ALDH1L1: variants seen among roughly 807,000 people sequenced by gnomAD.
The protein encoded by ALDH1L1 is cytosolic 10-formyltetrahydrofolate dehydrogenase.
In ALDH1L1, 68 loss-of-function variants were observed where a neutral mutation model predicts 101.1. The observed-to-expected ratio is 0.67, with a 90% CI of 0.55 to 0.82. ALDH1L1 has a LOEUF of 0.82. Among genes scored for constraint, ALDH1L1 ranks in the 40% least tolerant of loss-of-function variants. The pLI, the probability that ALDH1L1 is intolerant of heterozygous loss-of-function variation, is 0.00. For missense variants in ALDH1L1, 1,087 were observed against 1,172.7 expected (o/e 0.93, Z 1.07); for synonymous variants, 486 against 470.8 (o/e 1.03, Z -0.42).
intron 1 of ALDH1L1, among the ~76,000 whole-genome samples, chr3:126,179,483 G>C (rs951941970): frequency 2.0e-5 from 3 of 149,246 alleles, no homozygotes; most frequent in Non-Finnish European, 2.9e-5. Flanking sequence ...CTGGGCGACA[G>C]AGCGAGACTC....
At chr3:126,166,148 C>T (rs919691691) in intron 1 of ALDH1L1, among the ~76,000 whole-genome samples, 4 of 152,076 alleles carry the variant, frequency 2.6e-5, no homozygotes, top group Admixed American at 6.6e-5. Context: ...TACTTTAAAC[C>T]GCACCCCTCG....
At chr3:126,143,694 C>T (rs753233340) in intron 9 of ALDH1L1, among the ~76,000 whole-genome samples, 1 of 152,196 alleles carries the variant, frequency 6.6e-6, no homozygotes, top group African/African-American at 2.4e-5. Flanking sequence ...TAACGCCTCA[C>T]CCTGTAATTC....
intron 16 of ALDH1L1, 33 bp downstream of exon 16, chr3:126,124,331 A>G (rs1559928320): frequency 6.4e-7 from 1 of 1,570,014 alleles, no homozygotes; most frequent in Admixed American, 1.8e-5. Flanking sequence ...AGCTGCCAGA[A>G]GCCCTAGCCC....
intron 1 of ALDH1L1, among the ~76,000 whole-genome samples, chr3:126,176,419 C>T (rs76049499): frequency 0.024 from 3,587 of 152,248 alleles, 53 homozygotes; most frequent in Non-Finnish European, 0.037. Context: ...TACTGCCTGT[C>T]CCCAAGACTT....
chr3:126,153,187 G>C, intron 7 of ALDH1L1: 1 of 532,576 alleles, frequency 1.9e-6, no homozygotes, highest in Non-Finnish European at 3.4e-6. Flanking sequence ...AGGGCACTCA[G>C]CCTGGAGATG....
chr3:126,157,741 A>G (rs530731878), intron 3 of ALDH1L1, among the ~76,000 whole-genome samples: 2 of 152,298 alleles, frequency 1.3e-5, no homozygotes, highest in East Asian at 3.9e-4. Context: ...TCCTCACAGC[A>G]GGGATAACAG....
intron 7 of ALDH1L1, 175 bp downstream of exon 7, chr3:126,153,269 C>T (rs1177889421): frequency 1.1e-6 from 1 of 946,108 alleles, no homozygotes; most frequent in Non-Finnish European, 1.6e-6. Flanking sequence ...CCTCGGACAC[C>T]CTGTGCTCAG....
chr3:126,133,441 T>C (rs539498392), intron 12 of ALDH1L1, among the ~76,000 whole-genome samples: 2 of 152,334 alleles, frequency 1.3e-5, no homozygotes, highest in Admixed American at 6.5e-5. Flanking sequence ...ATGCCTCCCC[T>C]GCTCACATCC....
At chr3:126,190,360 C>T (rs11924165) in intron 1 of ALDH1L1, among the ~76,000 whole-genome samples, 6,914 of 152,212 alleles carry the variant, frequency 0.045, 515 homozygotes, top group African/African-American at 0.15. Context: ...AACAATCACC[C>T]CACCAATATT....
At chr3:126,131,595 C>A in intron 12 of ALDH1L1, 61 bp from the exon 13 acceptor site, 1 of 1,537,780 alleles carries the variant, frequency 6.5e-7, no homozygotes. Context: ...CATCTGCCCT[C>A]ACAAGGCCCT....
intron 19 of ALDH1L1, among the ~76,000 whole-genome samples, chr3:126,112,205 C>T (rs2108185555): frequency 6.6e-6 from 1 of 152,328 alleles, no homozygotes; most frequent in South Asian, 2.1e-4. Flanking sequence ...GAGACACTGT[C>T]CTGTGCCCAC....
chr3:126,180,698 C>A (rs1373328422), upstream of ALDH1L1: 2 of 1,385,428 alleles, frequency 1.4e-6, no homozygotes, highest in East Asian at 2.7e-5. Context: ...GGGACTATGG[C>A]GGGAGCGCAG....
chr3:126,109,708 C>CA (rs147199321), intron 20 of ALDH1L1, among the ~76,000 whole-genome samples: 12,172 of 152,204 alleles, frequency 0.08, 678 homozygotes, highest in African/African-American at 0.16. Context: ...AAGGGCAAGT[C>CA]AGAGTCCAGT....
chr3:126,137,873 G>T lies in ALDH1L1; in HGVS notation c.1164C>A (p.Ile388=). The T allele has an allele frequency of 6.2e-7, 1 of 1,614,204 alleles. No individual in the cohort carries two copies. Among genetic ancestry groups the T allele is most frequent in the Non-Finnish European group, 8.5e-7 (1 of 1,180,032 alleles). The change falls in exon 10 of 23, where the codon ATC becomes ATA. Residue 388 remains isoleucine (I), a synonymous_variant. Transcript: ENST00000393434. ...CTCGCAGCTTCCTCACTAACAGCTG[G>T]ATGAAGTCCCCAAAGGTGGATGCCA... ...VYMASTFGDF[I]QLLVRKLRGD... is the part of the protein sequence containing the mutation.
intron 12 of ALDH1L1, among the ~76,000 whole-genome samples, chr3:126,131,859 A>G (rs4646731): frequency 0.64 from 97,083 of 151,792 alleles, 31,057 homozygotes; most frequent in Middle Eastern, 0.7. Flanking sequence ...TGCAGACAGC[A>G]AAGGGGTCAT....
chr3:126,150,548 T>C lies in ALDH1L1; in HGVS notation c.859-17A>G. On this transcript the variant is annotated splice_polypyrimidine_tract_variant and intron_variant, in intron 7 of 22. Coordinates refer to ENST00000393434, the MANE Select transcript of ALDH1L1 (RefSeq NM_012190.4). ...CACCAGCAGCTGCAAAAGGAAGGATTTCTTTTCTTTTCTTTTCTTTTTTTG... is the reference window on the plus strand; with the variant it reads ...CACCAGCAGCTGCAAAAGGAAGGATCTCTTTTCTTTTCTTTTCTTTTTTTG... 1 of 1,499,306 alleles carries C rather than the reference T, an allele frequency of 6.7e-7. No individual in the cohort carries two copies. Among genetic ancestry groups the C allele is most frequent in the South Asian group, 1.2e-5 (1 of 82,142 alleles). 92.9% of individuals were successfully genotyped at this position (1,499,306 alleles called of 1,614,324 possible). A position where few individuals can be genotyped will look rare whatever the true frequency, so the allele number is the denominator to read the frequency against.
intron 1 of ALDH1L1, among the ~76,000 whole-genome samples, chr3:126,192,826 T>C (rs1161168376): frequency 1.3e-5 from 2 of 152,236 alleles, no homozygotes; most frequent in Non-Finnish European, 2.9e-5. Context: ...AATTGAGTGA[T>C]GAATGATTCG....
intron 18 of ALDH1L1, among the ~76,000 whole-genome samples, chr3:126,113,577 G>T (rs1395767408): frequency 6.6e-6 from 1 of 152,204 alleles, no homozygotes; most frequent in African/African-American, 2.4e-5. Flanking sequence ...GCTCAGCACA[G>T]GGCCCAGCTA....
intron 9 of ALDH1L1, among the ~76,000 whole-genome samples, chr3:126,141,931 C>CAAAAAG (rs2108263030): frequency 6.6e-6 from 1 of 151,424 alleles, no homozygotes; most frequent in Admixed American, 6.6e-5. Flanking sequence ...TTGAAAATAT[C>CAAAAAG]AACAAAATTA....
Sources: allele counts gnomAD v4.1 joint callset (sites outside exome capture counted in the v4.1 genomes callset), GRCh38; gene constraint gnomAD v4.1.1; transcripts MANE v1.5; gene names NCBI Gene and HGNC (gene_info 2026-07-23, HGNC 2026-07-21).